The following FMNL2 variants were observed in gnomAD, a reference collection of about 807,000 sequenced individuals.
FMNL2 encodes the protein formin-like protein 2.
In FMNL2, 51 loss-of-function variants were observed where a neutral mutation model predicts 130.2. That is an observed-to-expected ratio of 0.39 (90% CI 0.31 to 0.49). The LOEUF (loss-of-function observed/expected upper bound fraction) is 0.49, where lower values mean the gene tolerates loss of function less well. Ranked by LOEUF, FMNL2 falls within the 20% of genes least tolerant of loss-of-function variation. The pLI, the probability that FMNL2 is intolerant of heterozygous loss-of-function variation, is 0.85. For missense variants in FMNL2, 977 were observed against 1,316.2 expected (o/e 0.74, Z 3.99); for synonymous variants, 465 against 467.1 (o/e 1.00, Z 0.06).
intron 1 of FMNL2, among the ~76,000 whole-genome samples, chr2:152,495,974 C>T (rs1323337678): frequency 1.3e-5 from 2 of 151,450 alleles, no homozygotes; most frequent in Non-Finnish European, 2.9e-5. Context: ...TTATAGGTGG[C>T]AAGATTAATT....
intron 11 of FMNL2, among the ~76,000 whole-genome samples, chr2:152,612,058 T>G (rs1214635867): frequency 6.6e-6 from 1 of 152,208 alleles, no homozygotes; most frequent in Non-Finnish European, 1.5e-5. Context: ...CACCAGAGAC[T>G]TCCTCCTGAA....
intron 1 of FMNL2, among the ~76,000 whole-genome samples, chr2:152,504,963 A>G (rs1424869220): frequency 1.3e-5 from 2 of 152,208 alleles, no homozygotes; most frequent in African/African-American, 4.8e-5. Flanking sequence ...CCAGCAAGTT[A>G]ATTTTGTCTT....
intron 9 of FMNL2, among the ~76,000 whole-genome samples, chr2:152,596,209 C>A (rs969457729): frequency 3.3e-5 from 5 of 151,894 alleles, no homozygotes; most frequent in Non-Finnish European, 7.4e-5. Context: ...GTGATCCGCC[C>A]ACCTCGGCCT....
intron 2 of FMNL2, among the ~76,000 whole-genome samples, chr2:152,522,459 G>T (rs1693145452): frequency 6.6e-6 from 1 of 152,204 alleles, no homozygotes; most frequent in African/African-American, 2.4e-5. Flanking sequence ...TTCAGAGAAA[G>T]TTATATCAAG....
At chr2:152,401,902 T>A (rs1685715104) in intron 1 of FMNL2, among the ~76,000 whole-genome samples, 1 of 137,392 alleles carries the variant, frequency 7.3e-6, no homozygotes, top group African/African-American at 2.8e-5. Context: ...TTTAATCTTT[T>A]TTTTTTTTTT....
chr2:152,604,719 C>G (rs1428161501), intron 9 of FMNL2, among the ~76,000 whole-genome samples: 1 of 152,058 alleles, frequency 6.6e-6, no homozygotes, highest in Non-Finnish European at 1.5e-5. Context: ...CCACAGCCTC[C>G]CAAGTAGCTG....
chr2:152,380,665 G>C (rs1358567780), intron 1 of FMNL2, among the ~76,000 whole-genome samples: 2 of 152,132 alleles, frequency 1.3e-5, no homozygotes, highest in Non-Finnish European at 2.9e-5. Flanking sequence ...ACCCTTCTAG[G>C]CTGAGCTCAT....
At position 152,367,998 on chromosome 2, in the gene FMNL2, C is replaced by T. The variant is rs77188028; in HGVS notation, c.117+32278C>T. Among the ~76,000 whole-genome samples, 371 of 152,222 alleles carry T rather than the reference C, an allele frequency of 2.4e-3. 2 individuals are homozygous for T. The highest frequency in any genetic ancestry group is 8.4e-3 in the African/African-American group (348 of 41,536). On this transcript the variant is annotated intron_variant, in intron 1 of 25. Coordinates refer to ENST00000288670, the MANE Select transcript of FMNL2 (RefSeq NM_052905.4). Reference sequence around the variant, plus strand: ...GTTCTTGACCTACTGAGCCAGTCTACGTATTAACAAGATCTCACACGTGAC... The same window carrying T: ...GTTCTTGACCTACTGAGCCAGTCTATGTATTAACAAGATCTCACACGTGAC...
At chr2:152,637,171 G>T (rs1580153500) in intron 22 of FMNL2, among the ~76,000 whole-genome samples, 2 of 152,336 alleles carry the variant, frequency 1.3e-5, no homozygotes, top group East Asian at 3.9e-4. Context: ...TTGAAGCAAG[G>T]AAGTGGAATT....
rs981341887 is a variant in FMNL2 at position 152,484,465 on chromosome 2, C to A, written c.118-37478C>A. On this transcript the variant is annotated intron_variant, in intron 1 of 25. Transcript: ENST00000288670. ...GAGCAGCCTGGCCAATACAGCAAGACTGTGTCTCTTGAAAAAAAAAAAATA... is the reference window on the plus strand; with the variant it reads ...GAGCAGCCTGGCCAATACAGCAAGAATGTGTCTCTTGAAAAAAAAAAAATA... 5.9e-5 allele frequency among the ~76,000 whole-genome samples: 9 copies of A among 151,512 alleles called. No individual in the cohort carries two copies. In the East Asian group the frequency reaches 1.6e-3, roughly 26 times the overall value.
chr2:152,606,036 C>T (rs528650651), intron 9 of FMNL2, among the ~76,000 whole-genome samples: 37 of 152,268 alleles, frequency 2.4e-4, no homozygotes, highest in African/African-American at 8.2e-4. Context: ...GATGTAGATG[C>T]TATGTAGTGA....
intron 1 of FMNL2, among the ~76,000 whole-genome samples, chr2:152,436,224 G>A (rs1687755313): frequency 6.6e-6 from 1 of 151,784 alleles, no homozygotes; most frequent in Non-Finnish European, 1.5e-5. Flanking sequence ...GGAGTGCAGT[G>A]GCACTATCTT....
chr2:152,362,176 G>A lies in FMNL2; in HGVS notation c.117+26456G>A, dbSNP rs1430840938. Among the ~76,000 whole-genome samples, 5 of 151,812 alleles carry A rather than the reference G, an allele frequency of 3.3e-5. No individual in the cohort carries two copies. In the South Asian group the frequency reaches 6.2e-4, roughly 19 times the overall value. On this transcript the variant is annotated intron_variant, in intron 1 of 25. Transcript: ENST00000288670. Reference sequence around the variant, plus strand: ...TGTTTGCAAAGTGTTACACTAATGAGCATTTCAGTTTAACTAGTTCCTTAT... The same window carrying A: ...TGTTTGCAAAGTGTTACACTAATGAACATTTCAGTTTAACTAGTTCCTTAT...
Position 152,625,474 on chromosome 2 carries a change from G to A in FMNL2, c.1874G>A (p.Arg625Lys), listed in dbSNP as rs756961019. ...AAGAAGCCAATCAAGACGAAGTTCA[G>A]AATGCCAGTGTTTAACTGGGTTGCT... Reference protein sequence around the residue: ...KIKKPIKTKFRMPVFNWVALK... With the variant: ...KIKKPIKTKFKMPVFNWVALK... Residue 625 changes from arginine to lysine, a missense_variant, in exon 16 of 26, where the codon AGA becomes AAA. Physicochemically the swap from Arg to Lys is conservative, Grantham distance 26. Coordinates refer to ENST00000288670, the MANE Select transcript of FMNL2 (RefSeq NM_052905.4). The A allele has an allele frequency of 1.2e-6, 2 of 1,611,530 alleles. No individual in the cohort carries two copies. The highest frequency in any genetic ancestry group is 1.7e-6 in the Non-Finnish European group (2 of 1,177,744).
chr2:152,403,493 C>T (rs951328214), intron 1 of FMNL2, among the ~76,000 whole-genome samples: 2 of 151,956 alleles, frequency 1.3e-5, no homozygotes, highest in African/African-American at 4.8e-5. Context: ...TTGTTTGAAT[C>T]GTTTCAGCTT....
At chr2:152,579,061 G>A (rs1225444601) in intron 8 of FMNL2, 97 bp downstream of exon 8, 8 of 949,842 alleles carry the variant, frequency 8.4e-6, no homozygotes, top group Non-Finnish European at 1.3e-5. Flanking sequence ...ACTTTCAAGT[G>A]TTAATCTCTG....
At chr2:152,364,390 G>A (rs1250735900) in intron 1 of FMNL2, among the ~76,000 whole-genome samples, 1 of 151,198 alleles carries the variant, frequency 6.6e-6, no homozygotes, top group African/African-American at 2.4e-5. Flanking sequence ...TAAACCTAAG[G>A]GGTGAATGAA....
intron 25 of FMNL2, among the ~76,000 whole-genome samples, chr2:152,642,347 T>C (rs759756146): frequency 2.6e-5 from 4 of 152,032 alleles, no homozygotes; most frequent in South Asian, 4.2e-4. Context: ...ATTAAATACA[T>C]AGGTTAGGTG....
At chr2:152,511,825 T>C (rs1692509445) in intron 1 of FMNL2, among the ~76,000 whole-genome samples, 1 of 152,176 alleles carries the variant, frequency 6.6e-6, no homozygotes, top group Admixed American at 6.5e-5. Flanking sequence ...GGTGAAATTA[T>C]ATACTGCTTC....
Sources: allele counts gnomAD v4.1 joint callset (sites outside exome capture counted in the v4.1 genomes callset), GRCh38; gene constraint gnomAD v4.1.1; transcripts MANE v1.5; gene names NCBI Gene and HGNC (gene_info 2026-07-23, HGNC 2026-07-21).